P2RX7: variants seen among roughly 807,000 people sequenced by gnomAD.
P2RX7 encodes P2X purinoceptor 7.
Under a neutral mutation model 71.6 loss-of-function variants are expected in P2RX7, and 62 were observed. That is an observed-to-expected ratio of 0.87 (90% CI 0.71 to 1.07). The LOEUF (loss-of-function observed/expected upper bound fraction) is 1.07, where lower values mean the gene tolerates loss of function less well. Ranked by LOEUF, P2RX7 falls within the 50% of genes least tolerant of loss-of-function variation. The pLI, the probability that P2RX7 is intolerant of heterozygous loss-of-function variation, is 0.00. For synonymous variants in P2RX7, 299 were observed against 283.3 expected (o/e 1.06, Z -0.56); for missense variants, 686 against 748.5 (o/e 0.92, Z 0.97).
In P2RX7 at chr12:121,133,238, G is replaced by C. The variant is rs1872799724; in HGVS notation, c.125+143G>C. 4 of 939,012 alleles carry C rather than the reference G, an allele frequency of 4.3e-6. No individual in the cohort carries two copies. The East Asian group carries it at 9.8e-5, about 23-fold the overall frequency. 58.2% of individuals were successfully genotyped at this position (939,012 alleles called of 1,614,324 possible). A position where few individuals can be genotyped will look rare whatever the true frequency, so the allele number is the denominator to read the frequency against. Reference sequence around the variant, plus strand: ...CTCTCACAGCCAGCTGGGCGGGAGGGAGGAAGCAGCAGCAGGCAAGAGGAA... The same window carrying C: ...CTCTCACAGCCAGCTGGGCGGGAGGCAGGAAGCAGCAGCAGGCAAGAGGAA... On this transcript the variant is annotated intron_variant, in intron 1 of 12. Transcript: ENST00000328963.
Position 121,148,488 on chromosome 12 carries a change from T to TA in P2RX7, c.126-6296dup, listed in dbSNP as rs565452548. Among the ~76,000 whole-genome samples, 393 of 152,266 alleles carry TA rather than the reference T, an allele frequency of 2.6e-3. 3 individuals carry two copies. Among genetic ancestry groups the TA allele is most frequent in the Admixed American group, 0.012 (187 of 15,284 alleles). On this transcript the variant is annotated intron_variant, in intron 1 of 12. Transcript: ENST00000328963. ...CCTCAGCCTCCCAAAGTGCTGGAATTACAGGCGTGAGTCACCGCACCCAGC... is the reference window on the plus strand; with the variant it reads ...CCTCAGCCTCCCAAAGTGCTGGAATTAACAGGCGTGAGTCACCGCACCCAGC...
At position 121,185,085 on chromosome 12, in the gene P2RX7, A is replaced by G. The variant is rs1320368918; in HGVS notation, c.*283A>G. 7.5e-6 allele frequency: 2 copies of G among 267,918 alleles called. No homozygotes were observed. The highest frequency in any genetic ancestry group is 7.8e-5 in the East Asian group (1 of 12,882). 16.6% of individuals were successfully genotyped at this position (267,918 alleles called of 1,614,324 possible). A position where few individuals can be genotyped will look rare whatever the true frequency, so the allele number is the denominator to read the frequency against. On this transcript the variant is annotated 3_prime_UTR_variant, in exon 13 of 13. Coordinates refer to ENST00000328963, the MANE Select transcript of P2RX7 (RefSeq NM_002562.6). ...GGGAGGCACAGCAAACTGTCCCCCA[A>G]AAAAAAAAAAGAGTCCTTACCAATA...
At position 121,135,819 on chromosome 12, in the gene P2RX7, G is replaced by A. The variant is rs141738582; in HGVS notation, c.125+2724G>A. On this transcript the variant is annotated intron_variant, in intron 1 of 12. Transcript: ENST00000328963. ...AGAGTTTGAGACCAGCCTGGCCAAC[G>A]TGGTGGAAACTCCATCTGTGCTAAA... Among the ~76,000 whole-genome samples, 129 of 150,566 alleles carry A rather than the reference G, an allele frequency of 8.6e-4. 1 individual carries two copies. Among genetic ancestry groups the A allele is most frequent in the East Asian group, 8.0e-3 (41 of 5,108 alleles).
intron 1 of P2RX7, among the ~76,000 whole-genome samples, chr12:121,142,727 T>C (rs550901043): frequency 1.3e-5 from 2 of 152,302 alleles, no homozygotes; most frequent in African/African-American, 4.8e-5. Flanking sequence ...TCTGCCTCTC[T>C]TATAAGGACG....
At chr12:121,170,461 A>T (rs1038315966) in intron 8 of P2RX7, among the ~76,000 whole-genome samples, 4 of 152,154 alleles carry the variant, frequency 2.6e-5, no homozygotes, top group Non-Finnish European at 4.4e-5. Flanking sequence ...TGAGCACCAG[A>T]AGAAATCTCT....
chr12:121,171,914 T>G (rs1254184084), intron 8 of P2RX7, among the ~76,000 whole-genome samples: 2 of 147,926 alleles, frequency 1.4e-5, no homozygotes, highest in African/African-American at 2.5e-5. Context: ...CAGGCTGGAG[T>G]GCAGTGGCGT....
chr12:121,145,041 G>T (rs1269333956), intron 1 of P2RX7, among the ~76,000 whole-genome samples: 2 of 152,166 alleles, frequency 1.3e-5, no homozygotes, highest in South Asian at 2.1e-4. Flanking sequence ...CTGCAGCTGA[G>T]ATGTAGGTTT....
intron 8 of P2RX7, among the ~76,000 whole-genome samples, chr12:121,171,689 C>T (rs1446282339): frequency 6.6e-6 from 1 of 152,012 alleles, no homozygotes; most frequent in Non-Finnish European, 1.5e-5. Context: ...TTGTTCAAGG[C>T]CCGATGTTTC....
At position 121,154,327 on chromosome 12, in the gene P2RX7, A is replaced by G. The variant is rs1878127922; in HGVS notation, c.126-458A>G. Among the ~76,000 whole-genome samples, 1 of 151,646 alleles carries G rather than the reference A, an allele frequency of 6.6e-6. No individual in the cohort carries two copies. The highest frequency in any genetic ancestry group is 6.6e-5 in the Admixed American group (1 of 15,208). The stretch of plus-strand genomic sequence containing the variant: ...AAGAGAGAGAGAGAGAGTAGCTGCC[A>G]TTTTCAATGTTATTGATAAAGCAGG... On this transcript the variant is annotated intron_variant, in intron 1 of 12. Coordinates refer to ENST00000328963, the MANE Select transcript of P2RX7 (RefSeq NM_002562.6). The surrounding 1 kb of genome is among the most constrained non-coding windows in gnomAD (Gnocchi z 4.2).
intron 1 of P2RX7, among the ~76,000 whole-genome samples, chr12:121,136,023 A>AAAAAAAAAAAAAAAAAAATATATAT: frequency 2.0e-4 from 3 of 15,256 alleles, no homozygotes; most frequent in Non-Finnish European, 5.5e-4. Flanking sequence ...AAAAAAAAAA[A>AAAAAAAAAAAAAAAAAAATATATAT]ATATATATAT....
chr12:121,138,035 T>C (rs752865663), intron 1 of P2RX7, among the ~76,000 whole-genome samples: 8 of 152,232 alleles, frequency 5.3e-5, no homozygotes, highest in Non-Finnish European at 1.0e-4. Flanking sequence ...AAGAGGAGTT[T>C]GTGTTGGAGG....
At chr12:121,161,000 C>T (rs201964517) in intron 4 of P2RX7, 26 bp downstream of exon 4, 1 of 1,571,032 alleles carries the variant, frequency 6.4e-7, no homozygotes, top group Non-Finnish European at 8.8e-7. Context: ...TTTCCCGAGA[C>T]CCTAGGGGTG....
At chr12:121,163,594 C>CAGGT (rs1338347879) in intron 5 of P2RX7, among the ~76,000 whole-genome samples, 4 of 62,474 alleles carry the variant, frequency 6.4e-5, no homozygotes, top group Non-Finnish European at 1.3e-4. Flanking sequence ...GATAGATAGA[C>CAGGT]AGGTAGATAG....
At chr12:121,161,245 A>G (rs1466414332) in intron 4 of P2RX7, among the ~76,000 whole-genome samples, 1 of 152,230 alleles carries the variant, frequency 6.6e-6, no homozygotes, top group African/African-American at 2.4e-5. Flanking sequence ...CACATGGCCT[A>G]TAGCATCATC....
At position 121,171,986 on chromosome 12, in the gene P2RX7, C is replaced by T. The variant is rs570662851; in HGVS notation, c.882-3402C>T. 7.2e-5 allele frequency among the ~76,000 whole-genome samples: 11 copies of T among 152,030 alleles called. No individual in the cohort carries two copies. The South Asian group carries it at 1.7e-3, about 23-fold the overall frequency. ...ACACGATTCTCTTGCCTCAGCCTCC[C>T]GAGTAGCTGGGACTACAGGTGCCCG... On this transcript the variant is annotated intron_variant, in intron 8 of 12. Transcript: ENST00000328963.
intron 3 of P2RX7, among the ~76,000 whole-genome samples, 194 bp downstream of exon 3, chr12:121,156,341 C>T (rs1878581540): frequency 2.6e-5 from 4 of 152,292 alleles, no homozygotes; most frequent in Admixed American, 1.3e-4. Context: ...CTCTCCATGG[C>T]CACCAGATCT....
intron 1 of P2RX7, among the ~76,000 whole-genome samples, chr12:121,135,167 C>T (rs2135966030): frequency 1.3e-5 from 2 of 152,062 alleles, no homozygotes; most frequent in Admixed American, 1.3e-4. Context: ...GGTGAAACCC[C>T]ATCTCTACTA....
chr12:121,171,434 G>C (rs552218022), intron 8 of P2RX7, among the ~76,000 whole-genome samples: 48 of 146,274 alleles, frequency 3.3e-4, no homozygotes, highest in African/African-American at 1.2e-3. Context: ...GCGTAATTTC[G>C]GGTCACTGCA....
chr12:121,176,598 A>G (rs1883173216), intron 9 of P2RX7, among the ~76,000 whole-genome samples: 1 of 152,000 alleles, frequency 6.6e-6, no homozygotes, highest in Admixed American at 6.6e-5. Context: ...TAAAAATGCA[A>G]AAAATTAGCT....
Sources: gnomAD v4.1 joint callset for allele counts (sites outside exome capture counted in the v4.1 genomes callset) on GRCh38, gnomAD v4.1.1 for gene constraint, Gnocchi (gnomAD v3.1) non-coding constraint, MANE v1.5 for transcripts, NCBI Gene and HGNC (gene_info 2026-07-23, HGNC 2026-07-21) for gene names.